Variants in KLF8 observed in about 807,000 individuals in gnomAD.
KLF8 encodes the protein KLF transcription factor 8, also known as Krueppel-like factor 8.
KLF8 carries 10 observed loss-of-function variants against 18.2 expected under a neutral mutation model. The observed-to-expected ratio is 0.55, with a 90% CI of 0.34 to 0.93. KLF8 has a LOEUF of 0.93. Among genes scored for constraint, KLF8 ranks in the 40% least tolerant of loss-of-function variants. The probability of loss-of-function intolerance (pLI) is 0.02; values close to 1 mark genes in which losing one functional copy is unlikely to be tolerated. For missense variants in KLF8, 264 were observed against 277.9 expected (o/e 0.95, Z 0.36); for synonymous variants, 109 against 97.3 (o/e 1.12, Z -0.71).
At position 56,268,590 on chromosome X, in the gene KLF8, G is replaced by A. The variant is rs774294568; in HGVS notation, c.647-788G>A. 7.2e-5 allele frequency: 25 copies of A among 346,381 alleles called. No individual in the cohort carries two copies. The South Asian group carries it at 2.9e-3, about 41-fold the overall frequency. The allele number at this position is 346,381 out of a possible 1,213,427, so 28.5% of individuals were successfully genotyped here. ...ACCGATACATGTATATCACATACAT[G>A]CACAAACATGCACACCTCAAGATAC... On this transcript the variant is annotated intron_variant, in intron 3 of 5. Transcript: ENST00000468660.
chrX:56,132,127 C>A, the KLF8 span, among the ~76,000 whole-genome samples: 4 of 111,677 alleles, frequency 3.6e-5, no homozygotes, highest in Non-Finnish European at 5.7e-5. Flanking sequence ...CTATGCCCTA[C>A]AACAATGGAC....
the KLF8 span, among the ~76,000 whole-genome samples, chrX:56,000,843 A>C: frequency 9.0e-6 from 1 of 111,093 alleles, no homozygotes. Context: ...ACCTTACTTT[A>C]AAAAAAGACA....
At chrX:56,146,735 G>A in the KLF8 span, among the ~76,000 whole-genome samples, 1 of 110,249 alleles carries the variant, frequency 9.1e-6, no homozygotes, top group Non-Finnish European at 1.9e-5. Context: ...AGAAGAAGAA[G>A]AGAAAAAGAG....
chrX:56,128,539 A>G, the KLF8 span, among the ~76,000 whole-genome samples: 65 of 111,743 alleles, frequency 5.8e-4, no homozygotes, highest in African/African-American at 1.8e-3. Context: ...CAACCTCAAT[A>G]GAAAAAAAGT....
chrX:56,149,050 AT>A, the KLF8 span, among the ~76,000 whole-genome samples: 1 of 112,299 alleles, frequency 8.9e-6, no homozygotes, highest in Non-Finnish European at 1.9e-5. Context: ...GTAAATGAAA[AT>A]TAAACTGTTG....
chrX:56,053,983 T>C, the KLF8 span, among the ~76,000 whole-genome samples: 5 of 111,365 alleles, frequency 4.5e-5, 1 homozygote, highest in Admixed American at 4.8e-4. Flanking sequence ...TAATGCTTTT[T>C]CATATCTCTA....
the KLF8 span, among the ~76,000 whole-genome samples, chrX:56,076,431 A>G: frequency 9.2e-6 from 1 of 109,233 alleles, no homozygotes; most frequent in Non-Finnish European, 1.9e-5. Context: ...GAGAATGATG[A>G]TTTCCAATTT....
the KLF8 span, among the ~76,000 whole-genome samples, chrX:56,062,663 G>A: frequency 3.7e-3 from 408 of 108,933 alleles, no homozygotes; most frequent in African/African-American, 0.012. Flanking sequence ...TTCTTAAGGC[G>A]TAACTTTGTG....
At chrX:56,050,310 CT>C in the KLF8 span, among the ~76,000 whole-genome samples, 1 of 111,568 alleles carries the variant, frequency 9.0e-6, no homozygotes, top group African/African-American at 3.3e-5. Flanking sequence ...CTTCTGCTAG[CT>C]TTTGAATGTT....
At chrX:55,983,558 T>C in the KLF8 span, among the ~76,000 whole-genome samples, 2 of 112,286 alleles carry the variant, frequency 1.8e-5, no homozygotes, top group Middle Eastern at 4.6e-3. Context: ...ACAATTACTT[T>C]ACTCCAATTA....
chrX:56,185,208 G>A, the KLF8 span, among the ~76,000 whole-genome samples: 2 of 112,211 alleles, frequency 1.8e-5, no homozygotes, highest in East Asian at 2.8e-4. Flanking sequence ...AGCCAAGACT[G>A]GAGAACTACG....
At chrX:56,027,547 C>A in the KLF8 span, among the ~76,000 whole-genome samples, 1 of 112,448 alleles carries the variant, frequency 8.9e-6, no homozygotes, top group South Asian at 3.7e-4. Context: ...AGTTCTAGAG[C>A]CCGAGTTAAA....
chrX:55,992,222 A>G, the KLF8 span, among the ~76,000 whole-genome samples: 1 of 112,201 alleles, frequency 8.9e-6, no homozygotes, highest in African/African-American at 3.2e-5. Context: ...TAGAGTTTTT[A>G]TAGTTTTAGG....
chrX:56,194,133 G>A, the KLF8 span, among the ~76,000 whole-genome samples: 1 of 110,899 alleles, frequency 9.0e-6, no homozygotes, highest in African/African-American at 3.3e-5. Context: ...CCAGGCTGCA[G>A]CTCCCAGCGT....
rs1189214108 is a variant in KLF8, at chrX:56,288,043, C to G, written c.*3549C>G. Among the ~76,000 whole-genome samples the G allele has an allele frequency of 2.7e-5, 3 of 111,058 alleles. No individual in the cohort carries two copies. The highest frequency in any genetic ancestry group is 9.8e-5 in the African/African-American group (3 of 30,467). On this transcript the variant is annotated 3_prime_UTR_variant, in exon 6 of 6. Coordinates refer to ENST00000468660, the MANE Select transcript of KLF8 (RefSeq NM_007250.5). ...ACGAAGTCAGGAGTTCGAGACCAAC[C>G]TGGACAACATGGTGAAACCACGTCT...
At chrX:56,005,272 C>A in the KLF8 span, among the ~76,000 whole-genome samples, 2 of 110,643 alleles carry the variant, frequency 1.8e-5, no homozygotes, top group African/African-American at 6.6e-5. Flanking sequence ...CTGTAGGCAC[C>A]AATATGTCCC....
At chrX:56,108,435 C>T in the KLF8 span, among the ~76,000 whole-genome samples, 1 of 111,794 alleles carries the variant, frequency 8.9e-6, no homozygotes, top group South Asian at 3.7e-4. Context: ...TTGTCAAATG[C>T]TGTTTCTGCA....
the KLF8 span, among the ~76,000 whole-genome samples, chrX:56,219,579 G>C: frequency 8.9e-6 from 1 of 112,199 alleles, no homozygotes; most frequent in Non-Finnish European, 1.9e-5. Context: ...GAAATATTCA[G>C]ATAGGGACCA....
chrX:56,241,541 T>C (rs2066545021), intron 1 of KLF8, among the ~76,000 whole-genome samples: 1 of 112,422 alleles, frequency 8.9e-6, no homozygotes, highest in African/African-American at 3.2e-5. Flanking sequence ...ACTTAATCCT[T>C]CTTGACATCA....
Sources: allele counts gnomAD v4.1 joint callset (sites outside exome capture counted in the v4.1 genomes callset), GRCh38; gene constraint gnomAD v4.1.1; transcripts MANE v1.5; gene names NCBI Gene and HGNC (gene_info 2026-07-23, HGNC 2026-07-21).